SPIDR: variants seen among roughly 807,000 people sequenced by gnomAD.
SPIDR encodes scaffold protein involved in DNA repair.
SPIDR carries 93 observed loss-of-function variants against 104.6 expected under a neutral mutation model. That is an observed-to-expected ratio of 0.89 (90% CI 0.75 to 1.06). The LOEUF (loss-of-function observed/expected upper bound fraction) is 1.06, where lower values mean the gene tolerates loss of function less well. SPIDR is among the 50% of genes least tolerant of loss of function. SPIDR has a pLI of 0.00. For synonymous variants in SPIDR, 431 were observed against 416.9 expected (o/e 1.03, Z -0.41); for missense variants, 1,154 against 1,111.2 (o/e 1.04, Z -0.55).
At chr8:47,657,662 G>A (rs2073086702) in intron 10 of SPIDR, among the ~76,000 whole-genome samples, 1 of 152,062 alleles carries the variant, frequency 6.6e-6, no homozygotes, top group African/African-American at 2.4e-5. Flanking sequence ...TGGGTGAAGT[G>A]TACAGGGGTT....
intron 8 of SPIDR, among the ~76,000 whole-genome samples, chr8:47,452,337 A>G (rs546370790): frequency 2.4e-4 from 37 of 152,342 alleles, no homozygotes; most frequent in Non-Finnish European, 2.2e-4. Context: ...TAAAGACCTG[A>G]AAGAATCTTC....
At chr8:47,384,741 C>G (rs1469565215) in intron 5 of SPIDR, among the ~76,000 whole-genome samples, 6 of 152,206 alleles carry the variant, frequency 3.9e-5, no homozygotes, top group African/African-American at 1.2e-4. Flanking sequence ...ACCCTCTGGG[C>G]TGGAGGCCAT....
chr8:47,528,695 G>A (rs916860709), intron 8 of SPIDR, among the ~76,000 whole-genome samples: 1 of 151,864 alleles, frequency 6.6e-6, no homozygotes, highest in Non-Finnish European at 1.5e-5. Context: ...GACTGGACAT[G>A]GCCACTGAAA....
chr8:47,490,734 A>G (rs1185418766), intron 8 of SPIDR, among the ~76,000 whole-genome samples: 1 of 152,202 alleles, frequency 6.6e-6, no homozygotes, highest in East Asian at 1.9e-4. Context: ...TTCTCAGCAA[A>G]CTATCGCAAG....
chr8:47,731,060 C>A (rs565828873), intron 19 of SPIDR, among the ~76,000 whole-genome samples: 1 of 152,140 alleles, frequency 6.6e-6, no homozygotes, highest in South Asian at 2.1e-4. Context: ...GAGTTCGAGA[C>A]CAGCCTGGCC....
chr8:47,436,456 T>C (rs2068341489), intron 7 of SPIDR, among the ~76,000 whole-genome samples: 1 of 152,188 alleles, frequency 6.6e-6, no homozygotes, highest in East Asian at 1.9e-4. Flanking sequence ...GCATGGTGGC[T>C]CACACCTGTA....
intron 8 of SPIDR, among the ~76,000 whole-genome samples, chr8:47,538,957 T>G (rs2087527965): frequency 6.7e-6 from 1 of 149,660 alleles, no homozygotes; most frequent in South Asian, 2.1e-4. Context: ...GCTTCCCAGG[T>G]TCAAGTGATT....
At chr8:47,487,536 A>G (rs539263594) in intron 8 of SPIDR, among the ~76,000 whole-genome samples, 28 of 152,316 alleles carry the variant, frequency 1.8e-4, no homozygotes, top group Middle Eastern at 3.4e-3. Flanking sequence ...CTCCACCCAA[A>G]ATCAACAGAA....
chr8:47,463,086 C>T (rs1031494356), intron 8 of SPIDR, among the ~76,000 whole-genome samples: 8 of 152,058 alleles, frequency 5.3e-5, no homozygotes, highest in South Asian at 4.2e-4. Flanking sequence ...TGGCCGGGCG[C>T]GGTGACTCAC....
chr8:47,302,800 C>T (rs1341908310), intron 5 of SPIDR, among the ~76,000 whole-genome samples: 6 of 152,204 alleles, frequency 3.9e-5, no homozygotes, highest in African/African-American at 1.4e-4. Context: ...GATCATTCCT[C>T]TGGAAGTTTT....
At chr8:47,406,207 A>G (rs956752587) in intron 6 of SPIDR, among the ~76,000 whole-genome samples, 1 of 151,884 alleles carries the variant, frequency 6.6e-6, no homozygotes, top group African/African-American at 2.4e-5. Flanking sequence ...TGTGCATATC[A>G]TTTTAAATAA....
intron 10 of SPIDR, among the ~76,000 whole-genome samples, chr8:47,619,059 T>C (rs2064753898): frequency 6.6e-6 from 1 of 152,238 alleles, no homozygotes; most frequent in Admixed American, 6.5e-5. Flanking sequence ...AAGGGAGAAG[T>C]TTGAATTTTG....
At chr8:47,586,564 C>T (rs978291259) in intron 8 of SPIDR, among the ~76,000 whole-genome samples, 1 of 152,022 alleles carries the variant, frequency 6.6e-6, no homozygotes, top group African/African-American at 2.4e-5. Context: ...CCTGTTGTTT[C>T]TTAATTGGAT....
At chr8:47,269,441 A>G (rs1178384632) in intron 1 of SPIDR, among the ~76,000 whole-genome samples, 1 of 151,740 alleles carries the variant, frequency 6.6e-6, no homozygotes, top group African/African-American at 2.4e-5. Flanking sequence ...TATTTTTAGT[A>G]GAAACGGGCT....
rs549329946 is a variant in SPIDR, at chr8:47,266,876, A to G, written c.33+5885A>G. Among the ~76,000 whole-genome samples the G allele has an allele frequency of 1.6e-4, 24 of 152,284 alleles. No individual in the cohort carries two copies. The South Asian group carries it at 4.1e-3, about 26-fold the overall frequency. On this transcript the variant is annotated intron_variant, in intron 1 of 19. Transcript: ENST00000297423. ...GACCCCAAAAAGAAACCCCATAGCTATTACTAGTCAGTCACTCCCCATTCT... is the reference window on the plus strand; with the variant it reads ...GACCCCAAAAAGAAACCCCATAGCTGTTACTAGTCAGTCACTCCCCATTCT...
Position 47,636,661 on chromosome 8 carries a change from A to T in SPIDR, c.1545-37140A>T, listed in dbSNP as rs1416752935. Among the ~76,000 whole-genome samples, 3 of 152,076 alleles carry T rather than the reference A, an allele frequency of 2.0e-5. No individual in the cohort carries two copies. The East Asian group carries it at 5.8e-4, about 29-fold the overall frequency. On this transcript the variant is annotated intron_variant, in intron 10 of 19. Coordinates refer to ENST00000297423, the MANE Select transcript of SPIDR (RefSeq NM_001080394.4). ...CATAGTGAGCCCACATCTCTAAGAA[A>T]AAAATAATTAGCCAGGTGTAGTGTA... is the stretch of plus-strand genomic sequence containing the variant.
chr8:47,370,550 G>A (rs1315141472), intron 5 of SPIDR, among the ~76,000 whole-genome samples: 2 of 149,060 alleles, frequency 1.3e-5, no homozygotes, highest in African/African-American at 2.5e-5. Flanking sequence ...GGGTTCAAGC[G>A]ATTCTCCTGC....
intron 7 of SPIDR, among the ~76,000 whole-genome samples, chr8:47,432,915 G>A (rs1585621734): frequency 6.6e-6 from 1 of 152,120 alleles, no homozygotes; most frequent in East Asian, 1.9e-4. Context: ...GAAGAATCAG[G>A]TACTAGACTG....
rs757568691 is a variant in SPIDR, at chr8:47,712,845, T to G, written c.2161T>G (p.Phe721Val). ...ALAGAAPHSL[F>V]FKDALRDQGR... ...CGCTGGGGCTGCCCCTCACAGCCTC[T>G]TCTTCAAGGACGCTCTCCGTGACCA... The change falls in exon 15 of 20, where the codon TTC (phenylalanine) becomes GTC (valine). Residue 721 changes from phenylalanine to valine, a missense_variant. Transcript: ENST00000297423. 1.2e-6 allele frequency: 2 copies of G among 1,614,112 alleles called. No homozygotes were observed. Among genetic ancestry groups the G allele is most frequent in the Admixed American group, 3.3e-5 (2 of 60,032 alleles).
Sources: gnomAD v4.1 joint callset for allele counts (sites outside exome capture counted in the v4.1 genomes callset) on GRCh38, gnomAD v4.1.1 for gene constraint, MANE v1.5 for transcripts, NCBI Gene and HGNC (gene_info 2026-07-23, HGNC 2026-07-21) for gene names.